The following CAMKK1 variants were observed in gnomAD, a reference collection of about 807,000 sequenced individuals.
CAMKK1 encodes the protein calcium/calmodulin dependent protein kinase kinase 1.
Under a neutral mutation model 63.5 loss-of-function variants are expected in CAMKK1, and 20 were observed. That is an observed-to-expected ratio of 0.32 (90% CI 0.22 to 0.46). CAMKK1 has a LOEUF of 0.46. CAMKK1 is among the 20% of genes least tolerant of loss of function. The pLI is 1.00. For missense variants in CAMKK1, 588 were observed against 658.1 expected, an observed-to-expected ratio of 0.89 and a Z score of 1.17; for synonymous variants, 253 against 269.0, an observed-to-expected ratio of 0.94 and a Z score of 0.58.
rs1338556170 is a variant in CAMKK1 at position 3,893,037 on chromosome 17, G to A, written c.-142C>T. The A allele has an allele frequency of 6.9e-6, 1 of 144,024 alleles. No individual in the cohort carries two copies. Among genetic ancestry groups the A allele is most frequent in the Non-Finnish European group, 1.6e-5 (1 of 63,786 alleles). The allele number at this position is 144,024 out of a possible 1,614,324, so 8.9% of individuals were successfully genotyped here. On this transcript the variant is annotated 5_prime_UTR_variant, in exon 1 of 16. Coordinates refer to ENST00000348335, the MANE Select transcript of CAMKK1 (RefSeq NM_032294.3). The surrounding 1 kb of genome is among the most constrained non-coding windows in gnomAD (Gnocchi z 4.6). ...CCGCCCCGCCCCACCGCCTCGCTGG[G>A]GCCCAGATCGCCGAGCTCAGCCCGC...
chr17:3,890,571 T>C lies in CAMKK1; in HGVS notation c.-44+2368A>G. The C allele has an allele frequency of 7.9e-6, 6 of 760,510 alleles. No homozygotes were observed. The South Asian group carries it at 8.4e-5, about 11-fold the overall frequency. 47.1% of individuals were successfully genotyped at this position (760,510 alleles called of 1,614,324 possible). ...ACCTGCTCGTCCTCCTCTGTCTCCA[T>C]TGCGAGACGGGTACCACACCCTCCC... On this transcript the variant is annotated intron_variant, in intron 1 of 15. Transcript: ENST00000348335. This position sits in a 1 kb window ranked among gnomAD's most constrained non-coding sequence, Gnocchi z 6.5.
chr17:3,874,948 C>T (rs113082576), intron 10 of CAMKK1, among the ~76,000 whole-genome samples: 13 of 151,568 alleles, frequency 8.6e-5, no homozygotes, highest in South Asian at 2.1e-4. Context: ...GGTGAAACCC[C>T]GTCTCTACTA....
Position 3,869,514 on chromosome 17 carries a change from G to T in CAMKK1, c.1314C>A (p.Val438=), listed in dbSNP as rs757436530. ...CCGTGGTCCAGCTGGGGATGAGCCT[G>T]ACTGAGTTCTTAACCTCCTCCTCTG... ...EVTEEEVKNS[V]RLIPSWTTVI... is the part of the protein sequence containing the mutation. Residue 438 remains valine (V), a synonymous_variant, in exon 14 of 16, where the codon GTC becomes GTA. Coordinates refer to ENST00000348335, the MANE Select transcript of CAMKK1 (RefSeq NM_032294.3). 6.2e-7 allele frequency: 1 copy of T among 1,614,106 alleles called. No homozygotes were observed. Among genetic ancestry groups the T allele is most frequent in the Non-Finnish European group, 8.5e-7 (1 of 1,180,040 alleles).
Position 3,860,477 on chromosome 17 carries a change from C to T in CAMKK1, c.*1734G>A, listed in dbSNP as rs2054305104. On this transcript the variant is annotated 3_prime_UTR_variant, in exon 16 of 16. Transcript: ENST00000348335. Reference sequence around the variant, plus strand: ...CCTCAGTGACAGGGTGAGCATCCCACCTGGGCCTACCCCTGAGCTTTCCAA... The same window carrying T: ...CCTCAGTGACAGGGTGAGCATCCCATCTGGGCCTACCCCTGAGCTTTCCAA... 6.6e-6 allele frequency: 1 copy of T among 152,662 alleles called. No homozygotes were observed. Among genetic ancestry groups the T allele is most frequent in the Admixed American group, 6.5e-5 (1 of 15,284 alleles). 9.5% of individuals were successfully genotyped at this position (152,662 alleles called of 1,614,324 possible). A position where few individuals can be genotyped will look rare whatever the true frequency, so the allele number is the denominator to read the frequency against.
At chr17:3,878,694 G>T (rs2055275543) in intron 9 of CAMKK1, 1 of 152,156 alleles carries the variant, frequency 6.6e-6, no homozygotes, top group Admixed American at 6.6e-5. Flanking sequence ...GTCACTGCAG[G>T]TCAAACCTCA....
At chr17:3,874,494 C>T (rs2055050838) in intron 10 of CAMKK1, among the ~76,000 whole-genome samples, 1 of 152,174 alleles carries the variant, frequency 6.6e-6, no homozygotes, top group Non-Finnish European at 1.5e-5. Context: ...GCCTCAGCCT[C>T]CCAAGTAGCT....
At chr17:3,886,775 C>G (rs1446960547) in intron 1 of CAMKK1, among the ~76,000 whole-genome samples, 1 of 152,080 alleles carries the variant, frequency 6.6e-6, no homozygotes, top group East Asian at 1.9e-4. Flanking sequence ...CAGCCATGAC[C>G]CTGGGCTACA....
At chr17:3,869,761 T>C (rs1383493262) in intron 13 of CAMKK1, 40 bp downstream of exon 13, 1 of 1,607,206 alleles carries the variant, frequency 6.2e-7, no homozygotes, top group East Asian at 2.2e-5. Flanking sequence ...ACTCCTGTTT[T>C]CTGTGTCCCA....
intron 12 of CAMKK1, among the ~76,000 whole-genome samples, chr17:3,871,333 G>GTTTTTTTTTTTTTTTTTTTTT (rs71155812): frequency 3.6e-5 from 4 of 111,004 alleles, no homozygotes; most frequent in Non-Finnish European, 5.6e-5. Context: ...GTTGTTTTTT[G>GTTTTTTTTTTTTTTTTTTTTT]TTTTTTTTTT....
chr17:3,881,743 G>T, intron 7 of CAMKK1, 95 bp from the exon 8 acceptor site: 1 of 1,117,180 alleles, frequency 9.0e-7, no homozygotes, highest in Non-Finnish European at 1.3e-6. Context: ...GAGGGGGCAG[G>T]CATGCAGGCA....
chr17:3,884,378 AC>A lies in CAMKK1; in HGVS notation c.408+1del. On this transcript the variant is annotated splice_donor_variant, in intron 3 of 15. Transcript: ENST00000348335. LOFTEE classifies it high-confidence loss of function. The surrounding 1 kb of genome is among the most constrained non-coding windows in gnomAD (Gnocchi z 4.5). Reference sequence around the variant, plus strand: ...CACTGCTCTCGGCCTGCCCACTCCTACCTTGCCAATCTCACTCTGCAGCTTG... The same window carrying A: ...CACTGCTCTCGGCCTGCCCACTCCTACTTGCCAATCTCACTCTGCAGCTTG... 6.2e-7 allele frequency: 1 copy of A among 1,613,600 alleles called. No homozygotes were observed. Among genetic ancestry groups the A allele is most frequent in the Non-Finnish European group, 8.5e-7 (1 of 1,179,810 alleles).
In CAMKK1 at chr17:3,865,953, G is replaced by A. The variant is rs771707252; in HGVS notation, c.1400C>T (p.Ala467Val). 1 of 1,614,084 alleles carries A rather than the reference G, an allele frequency of 6.2e-7. No homozygotes were observed. Among genetic ancestry groups the A allele is most frequent in the South Asian group, 1.1e-5 (1 of 91,086 alleles). The change falls in exon 15 of 16, where the codon GCA becomes GTA. Residue 467 changes from alanine to valine, a missense_variant. Ala to Val is a moderately conservative substitution (Grantham distance 64, BLOSUM62 0). Transcript: ENST00000348335. ...RSFGNPFEPQ[A>V]RREERSMSAP... is the part of the protein sequence containing the mutation. ...AGACATGGATCGCTCTTCCCTCCGT[G>A]CTTGGGGCTCAAACGGGTTCCCAAA...
intron 15 of CAMKK1, among the ~76,000 whole-genome samples, chr17:3,863,707 C>T (rs969858476): frequency 6.6e-6 from 1 of 151,868 alleles, no homozygotes; most frequent in African/African-American, 2.4e-5. Flanking sequence ...AAGACTCCAT[C>T]TCTATTTTTT....
chr17:3,883,765 G>A lies in CAMKK1; in HGVS notation c.462+119C>T. 1 of 957,884 alleles carries A rather than the reference G, an allele frequency of 1.0e-6. No homozygotes were observed. Among genetic ancestry groups the A allele is most frequent in the East Asian group, 2.4e-5 (1 of 41,556 alleles). The allele number at this position is 957,884 out of a possible 1,614,324, so 59.3% of individuals were successfully genotyped here. On this transcript the variant is annotated intron_variant, in intron 4 of 15. Coordinates refer to ENST00000348335, the MANE Select transcript of CAMKK1 (RefSeq NM_032294.3). The surrounding 1 kb of genome is among the most constrained non-coding windows in gnomAD (Gnocchi z 4.7). Reference sequence around the variant, plus strand: ...GCTCATTCCTTTGCATACCCCTAGGGACAGGGAGCTCACTCTCAGGCAGCC... The same window carrying A: ...GCTCATTCCTTTGCATACCCCTAGGAACAGGGAGCTCACTCTCAGGCAGCC...
intron 1 of CAMKK1, among the ~76,000 whole-genome samples, chr17:3,891,778 T>G (rs780574798): frequency 6.6e-6 from 1 of 152,004 alleles, no homozygotes; most frequent in Non-Finnish European, 1.5e-5. Context: ...ACTGTGCATA[T>G]AGGAGAGTCA....
At chr17:3,880,748 G>C (rs2055373408) in intron 8 of CAMKK1, among the ~76,000 whole-genome samples, 1 of 150,278 alleles carries the variant, frequency 6.7e-6, no homozygotes, top group African/African-American at 2.4e-5. Flanking sequence ...AGACCCAAGA[G>C]AGGATCATGA....
chr17:3,885,026 G>A (rs945834891), intron 2 of CAMKK1, among the ~76,000 whole-genome samples: 4 of 152,164 alleles, frequency 2.6e-5, no homozygotes, highest in African/African-American at 9.7e-5. Context: ...GAGTTAGGGG[G>A]GAAGGGGGAC....
chr17:3,872,028 G>A (rs919825504), intron 12 of CAMKK1, among the ~76,000 whole-genome samples: 5 of 152,196 alleles, frequency 3.3e-5, no homozygotes, highest in Admixed American at 1.3e-4. Context: ...GTCATGAGGC[G>A]AACCATGCAT....
chr17:3,864,450 G>A (rs2054437528), intron 15 of CAMKK1, among the ~76,000 whole-genome samples: 1 of 150,730 alleles, frequency 6.6e-6, no homozygotes, highest in Non-Finnish European at 1.5e-5. Flanking sequence ...GTTTCACCGT[G>A]TTAGCCAGGA....
Sources: allele counts gnomAD v4.1 joint callset (sites outside exome capture counted in the v4.1 genomes callset), GRCh38; gene constraint gnomAD v4.1.1; non-coding constraint Gnocchi (gnomAD v3.1); transcripts MANE v1.5; gene names NCBI Gene and HGNC (gene_info 2026-07-23, HGNC 2026-07-21).